CXorf58: variants seen among roughly 807,000 people sequenced by gnomAD.
The protein encoded by CXorf58 is uncharacterized protein CXorf58.
Under a neutral mutation model 26.0 loss-of-function variants are expected in CXorf58, and 24 were observed. That is an observed-to-expected ratio of 0.92 (90% CI 0.67 to 1.30). The LOEUF is 1.30. CXorf58 is among the 50% of genes most tolerant of loss of function. The pLI is 0.00. For synonymous variants in CXorf58, 87 were observed against 86.1 expected, an observed-to-expected ratio of 1.01 and a Z score of -0.06; for missense variants, 236 against 263.9, an observed-to-expected ratio of 0.89 and a Z score of 0.73.
In CXorf58 at chrX:23,908,086, G is replaced by A; in HGVS notation, c.-264G>A. The A allele has an allele frequency of 7.1e-6, 1 of 141,063 alleles. No homozygotes were observed. The highest frequency in any genetic ancestry group is 1.4e-5 in the Non-Finnish European group (1 of 71,218). 11.6% of individuals were successfully genotyped at this position (141,063 alleles called of 1,213,427 possible). A position where few individuals can be genotyped will look rare whatever the true frequency, so the allele number is the denominator to read the frequency against. Reference sequence around the variant, plus strand: ...GGAAACTGTCTTTGCAGCGGCGACTGGGCGCCCAGCGGCGTGTACTGGGAT... The same window carrying A: ...GGAAACTGTCTTTGCAGCGGCGACTAGGCGCCCAGCGGCGTGTACTGGGAT... On this transcript the variant is annotated 5_prime_UTR_variant, in exon 1 of 9. Transcript: ENST00000379211.
chrX:23,917,722 C>T (rs911336208), intron 5 of CXorf58, among the ~76,000 whole-genome samples: 3 of 112,851 alleles, frequency 2.7e-5, no homozygotes, highest in Non-Finnish European at 5.6e-5. Context: ...CTGGCACTCT[C>T]ATCATACTTT....
intron 6 of CXorf58, among the ~76,000 whole-genome samples, chrX:23,929,940 G>A (rs975216798): frequency 9.0e-6 from 1 of 111,382 alleles, no homozygotes; most frequent in African/African-American, 3.3e-5. Context: ...GCTCAGGCCT[G>A]TAATCCCAGC....
intron 5 of CXorf58, among the ~76,000 whole-genome samples, chrX:23,923,455 G>A (rs1927919417): frequency 9.6e-6 from 1 of 104,564 alleles, no homozygotes; most frequent in Non-Finnish European, 2.0e-5. Context: ...CCAAAATGGC[G>A]AAATTGTCTC....
At chrX:23,929,998 C>T (rs1289306562) in intron 6 of CXorf58, among the ~76,000 whole-genome samples, 3 of 109,470 alleles carry the variant, frequency 2.7e-5, no homozygotes, top group African/African-American at 1.0e-4. Flanking sequence ...GAGATCGAGA[C>T]CATCCTGGCT....
At chrX:23,913,175 ACT>A (rs1927628567) in intron 3 of CXorf58, among the ~76,000 whole-genome samples, 1 of 110,403 alleles carries the variant, frequency 9.1e-6, no homozygotes, top group Admixed American at 9.6e-5. Context: ...TATTAGTGAT[ACT>A]CTTTTTTTTC....
intron 6 of CXorf58, among the ~76,000 whole-genome samples, chrX:23,930,761 T>C (rs139829568): frequency 0.014 from 1,544 of 110,914 alleles, 13 homozygotes; most frequent in Middle Eastern, 0.037. Context: ...CAATAAAGTA[T>C]TTTTTTTCTT....
rs147890788 is a variant in CXorf58 at position 23,910,387 on chromosome X, G to A, written c.85G>A (p.Ala29Thr). The change falls in exon 2 of 9, where the codon GCA becomes ACA. Residue 29 changes from alanine to threonine, a missense_variant. By Grantham distance (58) the Ala-to-Thr change is moderately conservative (BLOSUM62 0). Transcript: ENST00000379211. The part of the protein sequence containing the change: ...SLQKVRRVHF[A>T]NARNARSLLS... The stretch of plus-strand genomic sequence containing the variant: ...ACAAAAAGTTCGCAGAGTACATTTC[G>A]CAAATGCACGAAATGCAAGATCATT... The A allele has an allele frequency of 4.3e-4, 505 of 1,167,128 alleles. No homozygotes were observed. The African/African-American group carries it at 8.1e-3, about 19-fold the overall frequency.
At chrX:23,908,768 A>G (rs1241238975) in intron 1 of CXorf58, among the ~76,000 whole-genome samples, 1 of 112,558 alleles carries the variant, frequency 8.9e-6, no homozygotes, top group Non-Finnish European at 1.9e-5. Context: ...TAGAATTTGT[A>G]CAGTGACGTG....
At chrX:23,925,786 CT>C (rs11296283) in intron 5 of CXorf58, among the ~76,000 whole-genome samples, 9,081 of 71,499 alleles carry the variant, frequency 0.13, 676 homozygotes, top group East Asian at 0.34. Flanking sequence ...CTTTTCTTTT[CT>C]TTTTTTTTTT....
At chrX:23,910,227 C>T in intron 1 of CXorf58, 56 bp from the exon 2 acceptor site, 1 of 564,714 alleles carries the variant, frequency 1.8e-6, no homozygotes. Flanking sequence ...GAGTCTTGTC[C>T]AAACAGTGTA....
chrX:23,929,764 T>C (rs1928111682), intron 6 of CXorf58, among the ~76,000 whole-genome samples: 1 of 112,583 alleles, frequency 8.9e-6, no homozygotes, highest in African/African-American at 3.2e-5. Flanking sequence ...CCTCTAGGGC[T>C]TTCACAGCTA....
At chrX:23,919,200 T>C (rs781533111) in intron 5 of CXorf58, among the ~76,000 whole-genome samples, 5 of 112,032 alleles carry the variant, frequency 4.5e-5, no homozygotes, top group South Asian at 3.7e-4. Context: ...GGGCCAATAA[T>C]TCTTAGATTC....
At chrX:23,930,759 T>C (rs899590274) in intron 6 of CXorf58, among the ~76,000 whole-genome samples, 1 of 111,348 alleles carries the variant, frequency 9.0e-6, no homozygotes, top group Non-Finnish European at 1.9e-5. Context: ...AGCAATAAAG[T>C]ATTTTTTTTC....
intron 7 of CXorf58, 63 bp from the exon 8 acceptor site, chrX:23,938,484 C>A: frequency 3.2e-6 from 3 of 924,022 alleles, no homozygotes; most frequent in Non-Finnish European, 4.4e-6. Context: ...AAATTTGGAA[C>A]TTGCTTTGCA....
At chrX:23,911,920 T>C in intron 3 of CXorf58, 64 bp downstream of exon 3, 1 of 792,704 alleles carries the variant, frequency 1.3e-6, no homozygotes. Context: ...ATCTATTAAT[T>C]AAAGATCGAA....
intron 7 of CXorf58, among the ~76,000 whole-genome samples, chrX:23,937,294 G>A (rs755730821): frequency 3.4e-4 from 38 of 111,736 alleles, no homozygotes; most frequent in African/African-American, 1.2e-3. Flanking sequence ...GGGGGCAGGG[G>A]AATTACAGTA....
chrX:23,934,839 ATTGT>A (rs1394456738), intron 6 of CXorf58, among the ~76,000 whole-genome samples: 4 of 97,556 alleles, frequency 4.1e-5, no homozygotes, highest in Non-Finnish European at 8.3e-5. Flanking sequence ...ATCAGTCTTA[ATTGT>A]TTTTTTTCTC....
chrX:23,933,169 T>C (rs1163262998), intron 6 of CXorf58, among the ~76,000 whole-genome samples: 1 of 108,624 alleles, frequency 9.2e-6, no homozygotes, highest in African/African-American at 3.4e-5. Flanking sequence ...GGTGCAAAGG[T>C]AGGATTGCCT....
intron 6 of CXorf58, among the ~76,000 whole-genome samples, chrX:23,929,050 A>G (rs1928086099): frequency 8.9e-6 from 1 of 111,741 alleles, no homozygotes; most frequent in Non-Finnish European, 1.9e-5. Context: ...GTGCTACTCC[A>G]GCGAACACAC....
Sources: gnomAD v4.1 joint callset for allele counts (sites outside exome capture counted in the v4.1 genomes callset) on GRCh38, gnomAD v4.1.1 for gene constraint, MANE v1.5 for transcripts, NCBI Gene and HGNC (gene_info 2026-07-23, HGNC 2026-07-21) for gene names.